The following AAMDC variants were observed in gnomAD, a reference collection of about 807,000 sequenced individuals.
AAMDC encodes the protein adipogenesis associated Mth938 domain containing.
Under a neutral mutation model 15.5 loss-of-function variants are expected in AAMDC, and 16 were observed. That is an observed-to-expected ratio of 1.03 (90% CI 0.70 to 1.57). AAMDC has a LOEUF of 1.57. AAMDC is among the 40% of genes most tolerant of loss of function. The pLI, the probability that AAMDC is intolerant of heterozygous loss-of-function variation, is 0.00. For missense variants in AAMDC, 141 were observed against 144.9 expected (o/e 0.97, Z 0.14); for synonymous variants, 51 against 51.6 (o/e 0.99, Z 0.05).
chr11:77,869,653 C>T, intron 2 of AAMDC, 69 bp from the exon 3 acceptor site: 1 of 1,412,052 alleles, frequency 7.1e-7, no homozygotes, highest in Non-Finnish European at 1.0e-6. Flanking sequence ...TGAATGAATC[C>T]CACAAGAATG....
At chr11:77,875,372 C>T (rs1951567485), downstream of AAMDC, among the ~76,000 whole-genome samples, 2 of 152,264 alleles carry the variant, frequency 1.3e-5, no homozygotes, top group South Asian at 4.1e-4. Context: ...TGCCTGGAGA[C>T]ATGTTTTGTT....
At chr11:77,830,578 C>T (rs1002307332) in intron 1 of AAMDC, among the ~76,000 whole-genome samples, 2 of 150,740 alleles carry the variant, frequency 1.3e-5, no homozygotes, top group Non-Finnish European at 2.9e-5. Flanking sequence ...AAGGTGCCCC[C>T]GACCCCTTCT....
At chr11:77,865,235 G>A (rs1951057408) in intron 2 of AAMDC, among the ~76,000 whole-genome samples, 1 of 152,180 alleles carries the variant, frequency 6.6e-6, no homozygotes, top group South Asian at 2.1e-4. Flanking sequence ...AGGCCAAGGT[G>A]TTGTAATAGA....
At chr11:77,861,946 C>T (rs920621157) in intron 2 of AAMDC, among the ~76,000 whole-genome samples, 8 of 152,178 alleles carry the variant, frequency 5.3e-5, no homozygotes, top group Non-Finnish European at 1.2e-4. Flanking sequence ...TAAGATTAGT[C>T]GGCCTTCAGT....
intron 1 of AAMDC, among the ~76,000 whole-genome samples, chr11:77,832,348 C>T (rs561086875): frequency 2.2e-4 from 33 of 148,966 alleles, no homozygotes; most frequent in East Asian, 1.6e-3. Flanking sequence ...TTTTTTGAGA[C>T]GGCGTTTCGC....
chr11:77,847,172 ACT>A lies in AAMDC; in HGVS notation c.132+4547_132+4548del, dbSNP rs200585385. Among the ~76,000 whole-genome samples the A allele has an allele frequency of 9.0e-3, 1,371 of 152,220 alleles. 21 individuals are homozygous for A. The highest frequency in any genetic ancestry group is 0.03 in the African/African-American group (1,252 of 41,502). On this transcript the variant is annotated intron_variant, in intron 2 of 3. Transcript: ENST00000393427. ...CTCAGAATGTGTGATAAAATGGAAGACTCTGAAAATGGCAGTGCCTTAGGGTA... is the reference window on the plus strand; with the variant it reads ...CTCAGAATGTGTGATAAAATGGAAGACTGAAAATGGCAGTGCCTTAGGGTA...
chr11:77,885,058 C>A (rs687037), intron 5 of AAMDC: 26,380 of 156,716 alleles, frequency 0.17, 2,652 homozygotes, highest in Middle Eastern at 0.24. Flanking sequence ...TTGTGCCCAG[C>A]CTACCCTTAT....
At chr11:77,864,222 TG>T (rs1951010101) in intron 2 of AAMDC, among the ~76,000 whole-genome samples, 1 of 151,798 alleles carries the variant, frequency 6.6e-6, no homozygotes, top group Non-Finnish European at 1.5e-5. Flanking sequence ...CCACCGCTCC[TG>T]GCCAAGATGA....
At chr11:77,863,503 C>G (rs1251130803) in intron 2 of AAMDC, among the ~76,000 whole-genome samples, 1 of 152,232 alleles carries the variant, frequency 6.6e-6, no homozygotes, top group Non-Finnish European at 1.5e-5. Flanking sequence ...ATTCTTGTGC[C>G]TCAGCCTCCT....
intron 5 of AAMDC, among the ~76,000 whole-genome samples, chr11:77,886,042 CA>C (rs946348263): frequency 1.3e-5 from 2 of 151,400 alleles, no homozygotes; most frequent in Non-Finnish European, 2.9e-5. Context: ...AATCTCCACA[CA>C]AAAAAAATTA....
intron 1 of AAMDC, among the ~76,000 whole-genome samples, chr11:77,837,482 TC>T (rs1949736938): frequency 6.9e-6 from 1 of 145,542 alleles, no homozygotes; most frequent in South Asian, 2.1e-4. Flanking sequence ...TGAGATGGAG[TC>T]TCGCTCTGTC....
chr11:77,892,643 C>T (rs911284993), intron 5 of AAMDC, among the ~76,000 whole-genome samples: 11 of 152,064 alleles, frequency 7.2e-5, no homozygotes, highest in Admixed American at 6.6e-5. Flanking sequence ...TGTGCAATGG[C>T]GTGATCTCGG....
chr11:77,889,583 T>G (rs949453275), intron 5 of AAMDC, among the ~76,000 whole-genome samples: 2 of 152,178 alleles, frequency 1.3e-5, no homozygotes, highest in Non-Finnish European at 2.9e-5. Context: ...TGAATGGAGT[T>G]CTGCAGGGTT....
chr11:77,832,713 T>C (rs1196854130), intron 1 of AAMDC, among the ~76,000 whole-genome samples: 1 of 150,684 alleles, frequency 6.6e-6, no homozygotes, highest in Admixed American at 6.6e-5. Context: ...AAAAAAAAAG[T>C]CCTCCTACTC....
At chr11:77,866,170 A>G (rs1951099014) in intron 2 of AAMDC, among the ~76,000 whole-genome samples, 1 of 152,262 alleles carries the variant, frequency 6.6e-6, no homozygotes, top group Non-Finnish European at 1.5e-5. Context: ...TAAAGTTAGC[A>G]TGAAATAGGG....
intron 1 of AAMDC, among the ~76,000 whole-genome samples, chr11:77,831,347 T>C (rs1949416406): frequency 6.6e-6 from 1 of 152,182 alleles, no homozygotes; most frequent in South Asian, 2.1e-4. Flanking sequence ...TTCCTAGCTA[T>C]ACCCAAGAAA....
At chr11:77,865,258 C>T (rs576763172) in intron 2 of AAMDC, among the ~76,000 whole-genome samples, 1 of 152,298 alleles carries the variant, frequency 6.6e-6, no homozygotes, top group South Asian at 2.1e-4. Context: ...TCTCAAAATT[C>T]AGTAGCATAA....
At chr11:77,861,481 G>A (rs1202417248) in intron 2 of AAMDC, among the ~76,000 whole-genome samples, 1 of 152,166 alleles carries the variant, frequency 6.6e-6, no homozygotes, top group Non-Finnish European at 1.5e-5. Flanking sequence ...TATACCCGGG[G>A]CTCTGTGAGG....
At chr11:77,845,427 C>T (rs1177605013) in intron 2 of AAMDC, among the ~76,000 whole-genome samples, 3 of 148,696 alleles carry the variant, frequency 2.0e-5, no homozygotes, top group Admixed American at 6.8e-5. Context: ...ATTTCTTTTT[C>T]TTTTCTTTTT....
Sources: allele counts gnomAD v4.1 joint callset (sites outside exome capture counted in the v4.1 genomes callset), GRCh38; gene constraint gnomAD v4.1.1; transcripts MANE v1.5; gene names NCBI Gene and HGNC (gene_info 2026-07-23, HGNC 2026-07-21).